Variants in DESI1 observed in about 807,000 individuals in gnomAD.
DESI1 encodes the protein PPPDE peptidase domain containing 2.
Under a neutral mutation model 22.4 loss-of-function variants are expected in DESI1, and 17 were observed. That is an observed-to-expected ratio of 0.76 (90% CI 0.52 to 1.14). The LOEUF is 1.14. DESI1 is among the 50% of genes most tolerant of loss of function. The pLI, the probability that DESI1 is intolerant of heterozygous loss-of-function variation, is 0.00. For missense variants in DESI1, 177 were observed against 208.9 expected, an observed-to-expected ratio of 0.85 and a Z score of 0.94; for synonymous variants, 92 against 84.2, an observed-to-expected ratio of 1.09 and a Z score of -0.51.
At chr22:41,602,103 T>C (rs896571956) in intron 5 of DESI1, 2 of 626,254 alleles carry the variant, frequency 3.2e-6, no homozygotes, top group Non-Finnish European at 4.0e-6. Context: ...TTTCCATGAT[T>C]ACGACAACCA....
intron 3 of DESI1, among the ~76,000 whole-genome samples, chr22:41,605,607 C>G (rs2067474587): frequency 1.3e-5 from 2 of 152,152 alleles, no homozygotes; most frequent in Non-Finnish European, 2.9e-5. Context: ...CTCTTTGACC[C>G]CTCTTATTCA....
At chr22:41,609,180 G>A (rs377427492) in intron 1 of DESI1, among the ~76,000 whole-genome samples, 1 of 152,114 alleles carries the variant, frequency 6.6e-6, no homozygotes, top group African/African-American at 2.4e-5. Flanking sequence ...CGCCTCAAGT[G>A]ATCCACCTGC....
chr22:41,610,040 A>AC (rs1252115729), intron 1 of DESI1, among the ~76,000 whole-genome samples: 2 of 144,394 alleles, frequency 1.4e-5, no homozygotes, highest in African/African-American at 2.6e-5. Flanking sequence ...AGATTGCGCC[A>AC]TTGCACTCCA....
chr22:41,606,061 G>C (rs190871115), intron 3 of DESI1, among the ~76,000 whole-genome samples: 3 of 152,292 alleles, frequency 2.0e-5, no homozygotes, highest in East Asian at 3.9e-4. Context: ...GACCAGATCA[G>C]GTAGGTCCTG....
Position 41,600,452 on chromosome 22 carries a change from G to A in DESI1, c.*645C>T, listed in dbSNP as rs1216084041. 1 of 152,388 alleles carries A rather than the reference G, an allele frequency of 6.6e-6. No individual in the cohort carries two copies. Among genetic ancestry groups the A allele is most frequent in the Admixed American group, 6.5e-5 (1 of 15,292 alleles). The allele number at this position is 152,388 out of a possible 1,614,324, so 9.4% of individuals were successfully genotyped here. A position where few individuals can be genotyped will look rare whatever the true frequency, so the allele number is the denominator to read the frequency against. On this transcript the variant is annotated 3_prime_UTR_variant, in exon 6 of 6. Coordinates refer to ENST00000263256, the MANE Select transcript of DESI1 (RefSeq NM_015704.3). ...GGCAGAAGATTGGCAATCCATCTAG[G>A]TGGAAGGAGGAATGGCTTTATCCTG...
intron 3 of DESI1, 185 bp from the exon 4 acceptor site, chr22:41,604,338 C>T (rs949780653): frequency 4.7e-5 from 22 of 464,072 alleles, no homozygotes; most frequent in South Asian, 3.1e-4. Flanking sequence ...CTCCGCCTCC[C>T]GGGTTCAAGT....
chr22:41,614,270 T>C (rs1043011957), intron 1 of DESI1, among the ~76,000 whole-genome samples: 4 of 151,952 alleles, frequency 2.6e-5, no homozygotes, highest in Admixed American at 6.6e-5. Context: ...ACTCCTGACC[T>C]TGTGATCTAC....
At chr22:41,619,354 T>C (rs1249578431) in intron 1 of DESI1, among the ~76,000 whole-genome samples, 2 of 152,240 alleles carry the variant, frequency 1.3e-5, no homozygotes, top group African/African-American at 4.8e-5. Context: ...ATAGATATTA[T>C]GTGTATGTAA....
At position 41,599,212 on chromosome 22, in the gene DESI1, A is replaced by T. The variant is rs2067436422; in HGVS notation, c.*1885T>A. On this transcript the variant is annotated 3_prime_UTR_variant, in exon 6 of 6. Coordinates refer to ENST00000263256, the MANE Select transcript of DESI1 (RefSeq NM_015704.3). ...GAAGCAACATAATTCAAGTCCGTGAAGTGGCAAGAAGTTGTGGCAGAAGGG... is the reference window on the plus strand; with the variant it reads ...GAAGCAACATAATTCAAGTCCGTGATGTGGCAAGAAGTTGTGGCAGAAGGG... 7.6e-6 allele frequency: 1 copy of T among 131,314 alleles called. No homozygotes were observed. Among genetic ancestry groups the T allele is most frequent in the Admixed American group, 7.2e-5 (1 of 13,824 alleles). 8.1% of individuals were successfully genotyped at this position (131,314 alleles called of 1,614,324 possible). A position where few individuals can be genotyped will look rare whatever the true frequency, so the allele number is the denominator to read the frequency against.
At chr22:41,609,490 G>A (rs1188425770) in intron 1 of DESI1, among the ~76,000 whole-genome samples, 1 of 152,110 alleles carries the variant, frequency 6.6e-6, no homozygotes, top group Non-Finnish European at 1.5e-5. Flanking sequence ...ACTTCCAGAA[G>A]ATAAAAATAA....
chr22:41,601,383 G>A (rs564960968), intron 5 of DESI1, among the ~76,000 whole-genome samples, 193 bp from the exon 6 acceptor site: 2 of 152,258 alleles, frequency 1.3e-5, no homozygotes, highest in East Asian at 3.9e-4. Context: ...GTTCTTGGAG[G>A]GCATCTCCGA....
chr22:41,606,461 AC>A (rs1212969718), intron 3 of DESI1, among the ~76,000 whole-genome samples: 1 of 152,108 alleles, frequency 6.6e-6, no homozygotes, highest in Non-Finnish European at 1.5e-5. Context: ...CTGTGACAAC[AC>A]TTGGATAGCT....
At chr22:41,614,380 C>A (rs1006985672) in intron 1 of DESI1, among the ~76,000 whole-genome samples, 1 of 151,960 alleles carries the variant, frequency 6.6e-6, no homozygotes, top group African/African-American at 2.4e-5. Flanking sequence ...ACACTTGGAG[C>A]CAACAATAAC....
In DESI1 at chr22:41,598,257, C is replaced by T. The variant is rs2067431586; in HGVS notation, c.*2840G>A. ...GCAATACAAGTACGTGACTCATTTCCCACTGTGCTTGCCTGTTCACATCCA... is the reference window on the plus strand; with the variant it reads ...GCAATACAAGTACGTGACTCATTTCTCACTGTGCTTGCCTGTTCACATCCA... On this transcript the variant is annotated 3_prime_UTR_variant, in exon 6 of 6. Coordinates refer to ENST00000263256, the MANE Select transcript of DESI1 (RefSeq NM_015704.3). 6.6e-6 allele frequency: 1 copy of T among 152,216 alleles called. No homozygotes were observed. The highest frequency in any genetic ancestry group is 2.4e-5 in the African/African-American group (1 of 41,444). The allele number at this position is 152,216 out of a possible 1,614,324, so 9.4% of individuals were successfully genotyped here. A position where few individuals can be genotyped will look rare whatever the true frequency, so the allele number is the denominator to read the frequency against.
At chr22:41,605,912 C>T (rs771598066) in intron 3 of DESI1, among the ~76,000 whole-genome samples, 4 of 152,024 alleles carry the variant, frequency 2.6e-5, no homozygotes, top group African/African-American at 4.8e-5. Flanking sequence ...GATGGAGAGG[C>T]GTAACCAGGT....
At chr22:41,615,877 A>G (rs1434260653) in intron 1 of DESI1, among the ~76,000 whole-genome samples, 1 of 152,200 alleles carries the variant, frequency 6.6e-6, no homozygotes, top group East Asian at 1.9e-4. Flanking sequence ...TCTGTTTTAT[A>G]TTGTTATCAA....
At chr22:41,614,973 A>C (rs1569071100) in intron 1 of DESI1, among the ~76,000 whole-genome samples, 1 of 151,146 alleles carries the variant, frequency 6.6e-6, no homozygotes, top group Non-Finnish European at 1.5e-5. Flanking sequence ...TTTCATTTCA[A>C]GGAAGAGTTT....
intron 5 of DESI1, chr22:41,602,076 T>C (rs1312709193): frequency 2.2e-6 from 1 of 459,418 alleles, no homozygotes; most frequent in East Asian, 1.5e-4. Flanking sequence ...AAACTACAAA[T>C]ACTGGAGTTT....
At chr22:41,604,712 C>T (rs1481631614) in intron 3 of DESI1, among the ~76,000 whole-genome samples, 1 of 151,296 alleles carries the variant, frequency 6.6e-6, no homozygotes, top group African/African-American at 2.4e-5. Context: ...TACACTAACA[C>T]TAATGATAGC....
Sources: allele counts gnomAD v4.1 joint callset (sites outside exome capture counted in the v4.1 genomes callset), GRCh38; gene constraint gnomAD v4.1.1; transcripts MANE v1.5; gene names NCBI Gene and HGNC (gene_info 2026-07-23, HGNC 2026-07-21).